STYX: variants seen among roughly 807,000 people sequenced by gnomAD.
STYX encodes serine/threonine/tyrosine interacting protein.
Under a neutral mutation model 42.7 loss-of-function variants are expected in STYX, and 20 were observed. The observed-to-expected ratio is 0.47, with a 90% CI of 0.33 to 0.68. The LOEUF is 0.68. Among genes scored for constraint, STYX ranks in the 30% least tolerant of loss-of-function variants. STYX has a pLI of 0.02. For missense variants in STYX, 226 were observed against 268.5 expected (o/e 0.84, Z 1.11); for synonymous variants, 78 against 81.9 (o/e 0.95, Z 0.26).
intron 1 of STYX, among the ~76,000 whole-genome samples, chr14:52,743,718 T>C (rs1226190253): frequency 6.6e-6 from 1 of 152,216 alleles, no homozygotes; most frequent in Non-Finnish European, 1.5e-5. Flanking sequence ...AAAAATATTT[T>C]CCAGACTACT....
chr14:52,762,412 T>C (rs1001113030), intron 9 of STYX, among the ~76,000 whole-genome samples: 3 of 152,222 alleles, frequency 2.0e-5, no homozygotes, highest in Non-Finnish European at 2.9e-5. Flanking sequence ...CTTGAGTTAC[T>C]GGATCACATT....
At chr14:52,751,887 G>C (rs1881626048) in intron 4 of STYX, among the ~76,000 whole-genome samples, 1 of 152,158 alleles carries the variant, frequency 6.6e-6, no homozygotes, top group South Asian at 2.1e-4. Flanking sequence ...TTTTAGGCCA[G>C]CACGGTGGCT....
At chr14:52,769,064 G>A (rs1882414629) in intron 10 of STYX, 131 bp downstream of exon 10, 4 of 629,494 alleles carry the variant, frequency 6.4e-6, no homozygotes, top group Non-Finnish European at 1.1e-5. Context: ...ATTCCAGAAG[G>A]ATTCATTTTA....
intron 1 of STYX, 112 bp from the exon 2 acceptor site, chr14:52,744,740 A>G: frequency 1.0e-6 from 1 of 954,254 alleles, no homozygotes; most frequent in Non-Finnish European, 1.6e-6. Flanking sequence ...AAATGTTCTT[A>G]AAGTATAATG....
At chr14:52,766,494 G>A (rs1882305458) in intron 9 of STYX, among the ~76,000 whole-genome samples, 1 of 152,106 alleles carries the variant, frequency 6.6e-6, no homozygotes, top group Non-Finnish European at 1.5e-5. Context: ...TTTTGGTAGA[G>A]ATGGGGTTTT....
chr14:52,738,858 A>G lies in STYX; in HGVS notation c.58-5994A>G, dbSNP rs189472621. 3.5e-4 allele frequency among the ~76,000 whole-genome samples: 54 copies of G among 152,134 alleles called. No homozygotes were observed. The East Asian group carries it at 6.8e-3, about 19-fold the overall frequency. On this transcript the variant is annotated intron_variant, in intron 1 of 10. Transcript: ENST00000354586. ...ACACCCAGACAAACTGACACAAAGTATCATCTATTATTATTCTAAGGGCCC... is the reference window on the plus strand; with the variant it reads ...ACACCCAGACAAACTGACACAAAGTGTCATCTATTATTATTCTAAGGGCCC...
At chr14:52,738,107 G>C (rs894181473) in intron 1 of STYX, among the ~76,000 whole-genome samples, 6 of 152,120 alleles carry the variant, frequency 3.9e-5, no homozygotes, top group Non-Finnish European at 8.8e-5. Context: ...TTCTGTAGGT[G>C]GTAATCTGGG....
At chr14:52,748,660 C>G (rs1881484951) in intron 3 of STYX, among the ~76,000 whole-genome samples, 2 of 152,140 alleles carry the variant, frequency 1.3e-5, no homozygotes, top group African/African-American at 4.8e-5. Flanking sequence ...TACGTTAGGG[C>G]TCTATTTTGA....
Position 52,771,811 on chromosome 14 carries a change from C to G in STYX, c.*705C>G, listed in dbSNP as rs1004902335. On this transcript the variant is annotated 3_prime_UTR_variant, in exon 11 of 11. Transcript: ENST00000354586. ...TTCTATATTTTAAAAACTACAGTTT[C>G]CATGATAAAAGGAAAACGTTTTGAT... 1 of 152,424 alleles carries G rather than the reference C, an allele frequency of 6.6e-6. No individual in the cohort carries two copies. The highest frequency in any genetic ancestry group is 1.5e-5 in the Non-Finnish European group (1 of 67,934). The allele number at this position is 152,424 out of a possible 1,614,324, so 9.4% of individuals were successfully genotyped here.
chr14:52,746,744 C>T (rs2139897080), intron 3 of STYX, among the ~76,000 whole-genome samples: 1 of 152,240 alleles, frequency 6.6e-6, no homozygotes, highest in East Asian at 1.9e-4. Flanking sequence ...CCTTTAATAA[C>T]TTATTTACTC....
In STYX at chr14:52,733,424, A is replaced by G. The variant is rs144790690; in HGVS notation, c.57+2893A>G. On this transcript the variant is annotated intron_variant, in intron 1 of 10. Transcript: ENST00000354586. ...GCATGAACTGAATGTCCCATAATTC[A>G]ATTCTGACACATATGTACCTGAAGT... 6.7e-4 allele frequency among the ~76,000 whole-genome samples: 102 copies of G among 152,220 alleles called. 2 individuals are homozygous for G. In the East Asian group the frequency reaches 0.018, roughly 27 times the overall value.
In STYX at chr14:52,730,358, C is replaced by G; in HGVS notation, c.-117C>G. The stretch of plus-strand genomic sequence containing the variant: ...GTGTGTTAGTTGTAATCCCGCCGCC[C>G]TCCTGTCAGCCCTCCGCTCCGCCGG... On this transcript the variant is annotated 5_prime_UTR_variant, in exon 1 of 11. Transcript: ENST00000354586. The G allele has an allele frequency of 9.8e-7, 1 of 1,023,670 alleles. No homozygotes were observed. The highest frequency in any genetic ancestry group is 1.4e-5 in the South Asian group (1 of 70,334). 63.4% of individuals were successfully genotyped at this position (1,023,670 alleles called of 1,614,324 possible). A position where few individuals can be genotyped will look rare whatever the true frequency, so the allele number is the denominator to read the frequency against.
At chr14:52,733,570 T>C (rs1880822406) in intron 1 of STYX, among the ~76,000 whole-genome samples, 1 of 152,154 alleles carries the variant, frequency 6.6e-6, no homozygotes, top group African/African-American at 2.4e-5. Context: ...AGGGTTCCCG[T>C]TACTCCCTCC....
At chr14:52,738,507 T>G (rs1180599018) in intron 1 of STYX, among the ~76,000 whole-genome samples, 3 of 152,224 alleles carry the variant, frequency 2.0e-5, no homozygotes, top group Non-Finnish European at 2.9e-5. Context: ...AAAAATTGTT[T>G]AAATTAGTAA....
chr14:52,734,162 T>A (rs1037414518), intron 1 of STYX, among the ~76,000 whole-genome samples: 5 of 152,240 alleles, frequency 3.3e-5, no homozygotes, highest in African/African-American at 1.2e-4. Flanking sequence ...ATTTCCCGTC[T>A]ACTGTGCAGA....
intron 2 of STYX, among the ~76,000 whole-genome samples, chr14:52,745,342 C>G (rs1401203657): frequency 6.6e-6 from 1 of 152,146 alleles, no homozygotes; most frequent in Non-Finnish European, 1.5e-5. Context: ...GTCTCACACT[C>G]CTGACCTCAG....
chr14:52,765,341 C>T (rs1436983777), intron 9 of STYX, among the ~76,000 whole-genome samples: 2 of 152,184 alleles, frequency 1.3e-5, no homozygotes, highest in African/African-American at 4.8e-5. Context: ...CTTCAGCCTC[C>T]TGATTAGCTG....
In STYX at chr14:52,755,278, A is replaced by G. The variant is rs570535531; in HGVS notation, c.243-1273A>G. On this transcript the variant is annotated intron_variant, in intron 4 of 10. Transcript: ENST00000354586. ...GCTGGGATTACAGGTGTGCACCACC[A>G]TGCCTGGCTAATTTTTATATTTTTA... 3.9e-5 allele frequency among the ~76,000 whole-genome samples: 6 copies of G among 152,136 alleles called. No individual in the cohort carries two copies. In the East Asian group the frequency reaches 1.2e-3, roughly 29 times the overall value.
intron 2 of STYX, 111 bp downstream of exon 2, chr14:52,744,995 T>A: frequency 2.4e-6 from 2 of 823,842 alleles, no homozygotes; most frequent in Non-Finnish European, 3.7e-6. Context: ...TTCATCATTA[T>A]GTATTTTAAA....
Sources: gnomAD v4.1 joint callset for allele counts (sites outside exome capture counted in the v4.1 genomes callset) on GRCh38, gnomAD v4.1.1 for gene constraint, MANE v1.5 for transcripts, NCBI Gene and HGNC (gene_info 2026-07-23, HGNC 2026-07-21) for gene names.